The following FAM120B variants were observed in gnomAD, a reference collection of about 807,000 sequenced individuals.
FAM120B encodes constitutive coactivator of peroxisome proliferator-activated receptor gamma.
Under a neutral mutation model 96.3 loss-of-function variants are expected in FAM120B, and 83 were observed. That is an observed-to-expected ratio of 0.86 (90% CI 0.72 to 1.03). The LOEUF (loss-of-function observed/expected upper bound fraction) is 1.03, where lower values mean the gene tolerates loss of function less well. Among genes scored for constraint, FAM120B ranks in the 50% least tolerant of loss-of-function variants. FAM120B has a pLI of 0.00. For synonymous variants in FAM120B, 407 were observed against 402.7 expected, an observed-to-expected ratio of 1.01 and a Z score of -0.13; for missense variants, 1,027 against 1,121.2, an observed-to-expected ratio of 0.92 and a Z score of 1.20.
At position 170,363,242 on chromosome 6, in the gene FAM120B, A is replaced by G. The variant is rs3734769; in HGVS notation, c.2283+4924A>G. 8.8e-3 allele frequency among the ~76,000 whole-genome samples: 1,346 copies of G among 152,336 alleles called. 67 individuals carry two copies. The East Asian group carries it at 0.11, about 12-fold the overall frequency. On this transcript the variant is annotated intron_variant, in intron 6 of 10. Transcript: ENST00000476287. This position sits in a 1 kb window ranked among gnomAD's most constrained non-coding sequence, Gnocchi z 4.5. ...CCTTAGCCACTTTTTCTAGTGCCTC[A>G]TAGCTAATCATTGGGAAGTTCTTGG...
chr6:170,400,128 C>G, intron 9 of FAM120B, among the ~76,000 whole-genome samples: 1 of 151,008 alleles, frequency 6.6e-6, no homozygotes, highest in Non-Finnish European at 1.5e-5. Context: ...TGTCATAACC[C>G]TTAGGAGTGA....
chr6:170,334,823 AATGC>A (rs1480748495), intron 4 of FAM120B, among the ~76,000 whole-genome samples: 9 of 152,212 alleles, frequency 5.9e-5, no homozygotes, highest in African/African-American at 1.4e-4. Flanking sequence ...TTCACTGTTG[AATGC>A]ATTAGATGGG....
chr6:170,396,947 T>C (rs1175152498), intron 9 of FAM120B, among the ~76,000 whole-genome samples: 1 of 152,252 alleles, frequency 6.6e-6, no homozygotes, highest in Non-Finnish European at 1.5e-5. Flanking sequence ...GGCCTTGGGG[T>C]GCAGTCCTGT....
intron 2 of FAM120B, among the ~76,000 whole-genome samples, chr6:170,321,678 T>C (rs2115035651): frequency 6.6e-6 from 1 of 152,326 alleles, no homozygotes; most frequent in East Asian, 1.9e-4. Flanking sequence ...CCTGGCCGGA[T>C]AGTCTTATAA....
chr6:170,328,341 C>T (rs945779515), intron 3 of FAM120B, among the ~76,000 whole-genome samples: 8 of 152,314 alleles, frequency 5.3e-5, no homozygotes, highest in Non-Finnish European at 1.0e-4. Flanking sequence ...TCAGGATCAT[C>T]AAGGCTTCAC....
chr6:170,356,623 A>G (rs1211598531), intron 5 of FAM120B, among the ~76,000 whole-genome samples: 2 of 152,190 alleles, frequency 1.3e-5, no homozygotes, highest in African/African-American at 4.8e-5. Context: ...CAGCCTGTGG[A>G]GCCCACAGAT....
At chr6:170,344,823 C>T (rs1244881176) in intron 4 of FAM120B, among the ~76,000 whole-genome samples, 5 of 152,206 alleles carry the variant, frequency 3.3e-5, no homozygotes, top group Non-Finnish European at 7.3e-5. Flanking sequence ...TTCCTTAGGG[C>T]TTCCCTCCAG....
intron 8 of FAM120B, 122 bp from the exon 9 acceptor site, chr6:170,395,359 GACCCTC>G (rs1790672958): frequency 1.4e-6 from 1 of 740,450 alleles, no homozygotes; most frequent in Non-Finnish European, 2.3e-6. Context: ...GTTTTTTCAT[GACCCTC>G]CCTCTGATTT....
In FAM120B at chr6:170,363,009, G is replaced by T. The variant is rs1296976418; in HGVS notation, c.2283+4691G>T. Among the ~76,000 whole-genome samples, 1 of 152,090 alleles carries T rather than the reference G, an allele frequency of 6.6e-6. No individual in the cohort carries two copies. The highest frequency in any genetic ancestry group is 2.4e-5 in the African/African-American group (1 of 41,402). On this transcript the variant is annotated intron_variant, in intron 6 of 10. Transcript: ENST00000476287. This position sits in a 1 kb window ranked among gnomAD's most constrained non-coding sequence, Gnocchi z 4.5. ...ATGATGATTTTATAAATGAGCTCTTGCTCTCTTTTTGGAGAAAAAGCCGAG... is the reference window on the plus strand; with the variant it reads ...ATGATGATTTTATAAATGAGCTCTTTCTCTCTTTTTGGAGAAAAAGCCGAG...
upstream of FAM120B, among the ~76,000 whole-genome samples, chr6:170,294,409 C>A (rs939962546): frequency 6.6e-6 from 1 of 152,110 alleles, no homozygotes; most frequent in Non-Finnish European, 1.5e-5. This position sits in a 1 kb window ranked among gnomAD's most constrained non-coding sequence, Gnocchi z 7.9. Context: ...CTGGGCAGCA[C>A]AACCCCACAG....
At chr6:170,368,544 A>G (rs1788944903) in intron 6 of FAM120B, among the ~76,000 whole-genome samples, 1 of 152,244 alleles carries the variant, frequency 6.6e-6, no homozygotes, top group South Asian at 2.1e-4. Flanking sequence ...GGATTGTGTA[A>G]TATGTTTTCA....
intron 9 of FAM120B, among the ~76,000 whole-genome samples, chr6:170,397,251 T>A (rs1778224380): frequency 6.6e-6 from 1 of 152,242 alleles, no homozygotes; most frequent in African/African-American, 2.4e-5. Context: ...AAGGTGAGCG[T>A]GTGCAGAGCA....
At chr6:170,366,006 A>T (rs1297390259) in intron 6 of FAM120B, among the ~76,000 whole-genome samples, 1 of 152,060 alleles carries the variant, frequency 6.6e-6, no homozygotes, top group Admixed American at 6.5e-5. Flanking sequence ...AACAGCAGTG[A>T]GCTGTTTCTT....
chr6:170,359,537 T>A (rs1230636048), intron 6 of FAM120B, among the ~76,000 whole-genome samples: 1 of 152,014 alleles, frequency 6.6e-6, no homozygotes, highest in Non-Finnish European at 1.5e-5. Flanking sequence ...CACCTCAGCC[T>A]CCTGGGTAGC....
intron 9 of FAM120B, among the ~76,000 whole-genome samples, chr6:170,400,917 G>A (rs536573055): frequency 2.0e-5 from 3 of 152,254 alleles, no homozygotes; most frequent in African/African-American, 7.2e-5. Context: ...AGGATGCCAT[G>A]CACATTGGCT....
rs1173165275 is a variant in FAM120B at position 170,380,804 on chromosome 6, T to G, written c.2284-7483T>G. Among the ~76,000 whole-genome samples, 3 of 152,222 alleles carry G rather than the reference T, an allele frequency of 2.0e-5. No homozygotes were observed. The East Asian group carries it at 5.8e-4, about 29-fold the overall frequency. ...TTCTCCCAGTCCATAGACTGCCTTT[T>G]CATTTACTTCATTGGTCACTTTGCT... On this transcript the variant is annotated intron_variant, in intron 6 of 10. Transcript: ENST00000476287.
chr6:170,350,201 A>G (rs2115149917), intron 5 of FAM120B, among the ~76,000 whole-genome samples: 1 of 152,328 alleles, frequency 6.6e-6, no homozygotes, highest in African/African-American at 2.4e-5. Flanking sequence ...GAATCCAAGG[A>G]GCCAAACGGC....
intron 6 of FAM120B, among the ~76,000 whole-genome samples, chr6:170,361,438 T>A (rs1331856359): frequency 6.6e-6 from 1 of 151,880 alleles, no homozygotes; most frequent in Admixed American, 6.6e-5. Flanking sequence ...AGGAAAGCAG[T>A]ATTACTTACA....
chr6:170,354,575 C>CA (rs771237511), intron 5 of FAM120B, among the ~76,000 whole-genome samples: 6 of 151,534 alleles, frequency 4.0e-5, no homozygotes, highest in Non-Finnish European at 7.4e-5. Flanking sequence ...AGAAAAAAAG[C>CA]AAAAAAACAA....
Sources: gnomAD v4.1 joint callset for allele counts (sites outside exome capture counted in the v4.1 genomes callset) on GRCh38, gnomAD v4.1.1 for gene constraint, Gnocchi (gnomAD v3.1) non-coding constraint, MANE v1.5 for transcripts, NCBI Gene and HGNC (gene_info 2026-07-23, HGNC 2026-07-21) for gene names.